The following CACHD1 variants were observed in gnomAD, a reference collection of about 807,000 sequenced individuals.
CACHD1 encodes VWFA and cache domain-containing protein 1.
A neutral mutation model predicts 138.7 loss-of-function variants in CACHD1; 71 were observed. That is an observed-to-expected ratio of 0.51 (90% CI 0.42 to 0.62). CACHD1 has a LOEUF of 0.62. Among genes scored for constraint, CACHD1 ranks in the 20% least tolerant of loss-of-function variants. The pLI, the probability that CACHD1 is intolerant of heterozygous loss-of-function variation, is 0.00. For missense variants in CACHD1, 1,389 were observed against 1,625.3 expected, an observed-to-expected ratio of 0.85 and a Z score of 2.50; for synonymous variants, 578 against 591.5, an observed-to-expected ratio of 0.98 and a Z score of 0.33.
intron 21 of CACHD1, 48 bp from the exon 22 acceptor site, chr1:64,676,847 G>A (rs1241284036): frequency 2.0e-6 from 3 of 1,471,218 alleles, no homozygotes; most frequent in African/African-American, 1.4e-5. Context: ...CATGAGTTTG[G>A]AATGTGGGCG....
chr1:64,638,705 A>T (rs1648603755), intron 7 of CACHD1, among the ~76,000 whole-genome samples: 1 of 152,036 alleles, frequency 6.6e-6, no homozygotes. Flanking sequence ...TTATAGAGAG[A>T]CTCAGCAAAT....
At chr1:64,519,331 G>T (rs1327529183) in intron 1 of CACHD1, among the ~76,000 whole-genome samples, 1 of 152,110 alleles carries the variant, frequency 6.6e-6, no homozygotes, top group Non-Finnish European at 1.5e-5. Context: ...TTCGATTGAG[G>T]CACAGCCCAG....
intron 1 of CACHD1, among the ~76,000 whole-genome samples, chr1:64,514,132 A>G (rs1195705980): frequency 9.2e-5 from 14 of 152,218 alleles, no homozygotes. Context: ...CTTAGCTATC[A>G]AGATAAAGTT....
chr1:64,497,571 A>C lies in CACHD1; in HGVS notation c.198+26629A>C, dbSNP rs144700627. ...TGGAGTCATATAGTTCAGGAAAAAAAATACCCCAGAGAGAGCCAGGAATCA... is the reference window on the plus strand; with the variant it reads ...TGGAGTCATATAGTTCAGGAAAAAACATACCCCAGAGAGAGCCAGGAATCA... On this transcript the variant is annotated intron_variant, in intron 1 of 26. Transcript: ENST00000651257. Among the ~76,000 whole-genome samples, 31 of 152,272 alleles carry C rather than the reference A, an allele frequency of 2.0e-4. No individual in the cohort carries two copies. In the East Asian group the frequency reaches 2.9e-3, roughly 14 times the overall value.
chr1:64,520,652 C>T (rs534902415), intron 1 of CACHD1, among the ~76,000 whole-genome samples: 27 of 152,330 alleles, frequency 1.8e-4, no homozygotes, highest in Admixed American at 3.9e-4. Flanking sequence ...ACTAATGTCA[C>T]GCTGTAGGAG....
intron 4 of CACHD1, among the ~76,000 whole-genome samples, chr1:64,605,973 T>C (rs1365934975): frequency 6.6e-6 from 1 of 152,048 alleles, no homozygotes; most frequent in Non-Finnish European, 1.5e-5. Flanking sequence ...CTCTAGTATA[T>C]GGCCATAACC....
intron 1 of CACHD1, among the ~76,000 whole-genome samples, chr1:64,548,370 A>G (rs192255752): frequency 4.2e-4 from 64 of 152,336 alleles, no homozygotes; most frequent in African/African-American, 1.5e-3. Flanking sequence ...TGGAGTCACT[A>G]TATGAATTAT....
chr1:64,532,561 T>C (rs145910207), intron 1 of CACHD1, among the ~76,000 whole-genome samples: 218 of 152,042 alleles, frequency 1.4e-3, no homozygotes, highest in African/African-American at 5.1e-3. Context: ...TGGAGAACAC[T>C]CATCAAGTTT....
chr1:64,555,529 T>C (rs1368399213), intron 2 of CACHD1, among the ~76,000 whole-genome samples: 1 of 152,100 alleles, frequency 6.6e-6, no homozygotes, highest in African/African-American at 2.4e-5. Context: ...AAGGGATTCT[T>C]CTGCCCTTAG....
intron 2 of CACHD1, among the ~76,000 whole-genome samples, chr1:64,567,242 T>C (rs1557496917): frequency 6.6e-6 from 1 of 152,036 alleles, no homozygotes; most frequent in Admixed American, 6.6e-5. Flanking sequence ...CGTTGTTAAA[T>C]TGCAGGAGCA....
intron 3 of CACHD1, among the ~76,000 whole-genome samples, chr1:64,595,366 G>T (rs1339501567): frequency 6.6e-6 from 1 of 152,056 alleles, no homozygotes. Flanking sequence ...CTAGGCCCTG[G>T]GTATAAAGAA....
rs201659047 is a variant in CACHD1 at position 64,679,703 on chromosome 1, G to A, written c.3353G>A (p.Arg1118His). 1.1e-4 allele frequency: 174 copies of A among 1,614,002 alleles called. 1 individual carries two copies. Among genetic ancestry groups the A allele is most frequent in the Admixed American group, 3.8e-4 (23 of 60,006 alleles). Residue 1118 changes from arginine to histidine, a missense_variant, in exon 24 of 27, where the codon CGC (arginine) becomes CAC (histidine). Coordinates refer to ENST00000651257, the MANE Select transcript of CACHD1 (RefSeq NM_020925.4). Reference protein sequence around the residue: ...MVLVLAVYAYRHQIHRRSHQH... With the variant: ...MVLVLAVYAYHHQIHRRSHQH... ...TTGGTCCTGGCGGTGTATGCCTACC[G>A]CCACCAGATTCATCGCCGGAGCCAT...
chr1:64,644,084 G>T (rs912789065), intron 8 of CACHD1, among the ~76,000 whole-genome samples: 1 of 152,236 alleles, frequency 6.6e-6, no homozygotes, highest in African/African-American at 2.4e-5. Flanking sequence ...TCTCAAGCAT[G>T]AACTATGTCT....
chr1:64,609,548 T>A (rs1346784695), intron 4 of CACHD1, among the ~76,000 whole-genome samples: 1 of 152,162 alleles, frequency 6.6e-6, no homozygotes, highest in Non-Finnish European at 1.5e-5. Context: ...CAAACTCTAT[T>A]CCTATACTGC....
At chr1:64,472,869 C>T (rs903332764) in intron 1 of CACHD1, among the ~76,000 whole-genome samples, 2 of 151,590 alleles carry the variant, frequency 1.3e-5, no homozygotes, top group Non-Finnish European at 2.9e-5. Context: ...CGCCCCCCCA[C>T]GCCTTTTCCT....
chr1:64,653,708 C>G, intron 10 of CACHD1, 50 bp from the exon 11 acceptor site: 1 of 1,589,304 alleles, frequency 6.3e-7, no homozygotes, highest in Admixed American at 1.7e-5. Context: ...TGATTCAGAA[C>G]TTCCTACAAC....
At chr1:64,539,419 CTA>C (rs1313118513) in intron 1 of CACHD1, among the ~76,000 whole-genome samples, 1 of 152,180 alleles carries the variant, frequency 6.6e-6, no homozygotes, top group African/African-American at 2.4e-5. Context: ...CCTGCACAGT[CTA>C]TGTATTCCAT....
At chr1:64,496,838 C>T (rs1274536312) in intron 1 of CACHD1, among the ~76,000 whole-genome samples, 1 of 149,036 alleles carries the variant, frequency 6.7e-6, no homozygotes, top group East Asian at 2.0e-4. Context: ...TTCCTCAAAA[C>T]CTAGATTTTC....
chr1:64,626,303 T>C (rs1648098705), intron 4 of CACHD1, among the ~76,000 whole-genome samples: 1 of 152,150 alleles, frequency 6.6e-6, no homozygotes, highest in South Asian at 2.1e-4. Flanking sequence ...TTTTAATGGC[T>C]GTCACATGTG....
Sources: gnomAD v4.1 joint callset for allele counts (sites outside exome capture counted in the v4.1 genomes callset) on GRCh38, gnomAD v4.1.1 for gene constraint, MANE v1.5 for transcripts, NCBI Gene and HGNC (gene_info 2026-07-23, HGNC 2026-07-21) for gene names.